The following SHANK2 variants were observed in gnomAD, a reference collection of about 807,000 sequenced individuals.
SHANK2 encodes SH3 and multiple ankyrin repeat domains protein 2.
A neutral mutation model predicts 133.7 loss-of-function variants in SHANK2; 43 were observed. That is an observed-to-expected ratio of 0.32 (90% CI 0.25 to 0.41). The LOEUF (loss-of-function observed/expected upper bound fraction) is 0.41. Among genes scored for constraint, SHANK2 ranks in the 10% least tolerant of loss-of-function variants. The pLI is 1.00. For synonymous variants in SHANK2, 1,017 were observed against 952.8 expected, an observed-to-expected ratio of 1.07 and a Z score of -1.24; for missense variants, 1,994 against 2,235.8, an observed-to-expected ratio of 0.89 and a Z score of 2.18.
Position 70,487,038 on chromosome 11 carries a change from G to T in SHANK2, c.3255C>A (p.Ala1085=). The change falls in exon 25 of 26, where the codon GCC becomes GCA. Residue 1085 remains alanine, a synonymous_variant. Coordinates refer to ENST00000601538, the MANE Select transcript of SHANK2 (RefSeq NM_012309.5). This position sits in a 1 kb window ranked among gnomAD's most constrained non-coding sequence, Gnocchi z 5.8. The part of the protein sequence containing the change: ...SSPFAAAIAG[A]VRDREKRLEA... The stretch of plus-strand genomic sequence containing the variant: ...CCAGCCGCTTCTCACGGTCGCGGAC[G>T]GCTCCGGCGATGGCGGCGGCAAAGG... The T allele has an allele frequency of 6.2e-7, 1 of 1,609,084 alleles. No homozygotes were observed. Among genetic ancestry groups the T allele is most frequent in the Non-Finnish European group, 8.5e-7 (1 of 1,179,628 alleles).
intron 14 of SHANK2, among the ~76,000 whole-genome samples, chr11:70,719,612 T>C (rs1268100521): frequency 1.3e-5 from 2 of 151,910 alleles, no homozygotes; most frequent in African/African-American, 4.8e-5. Flanking sequence ...TATGGGCAAA[T>C]CGGAGGGTCA....
chr11:70,787,288 G>GACCACCATGACC (rs1947685343), intron 14 of SHANK2, among the ~76,000 whole-genome samples: 1 of 72,936 alleles, frequency 1.4e-5, no homozygotes, highest in Admixed American at 1.5e-4. Flanking sequence ...TCATCACCAT[G>GACCACCATGACC]ACCACCACCA....
intron 17 of SHANK2, among the ~76,000 whole-genome samples, chr11:70,518,417 A>G (rs1565091598): frequency 6.6e-6 from 1 of 152,232 alleles, no homozygotes; most frequent in Non-Finnish European, 1.5e-5. Context: ...AAGCGACTGC[A>G]TTCCTGGTAT....
intron 17 of SHANK2, among the ~76,000 whole-genome samples, chr11:70,562,648 T>C (rs188363529): frequency 1.3e-4 from 20 of 152,348 alleles, no homozygotes; most frequent in Admixed American, 1.3e-3. Flanking sequence ...TTAACTCTTT[T>C]GTGTCTTTAT....
intron 25 of SHANK2, among the ~76,000 whole-genome samples, chr11:70,484,716 G>A (rs2058777421): frequency 6.6e-6 from 1 of 152,178 alleles, no homozygotes. Context: ...GGGCTGACAT[G>A]GACACAGCTA....
At chr11:70,738,496 C>T (rs569226002) in intron 14 of SHANK2, among the ~76,000 whole-genome samples, 3 of 152,354 alleles carry the variant, frequency 2.0e-5, no homozygotes, top group African/African-American at 4.8e-5. Flanking sequence ...CCCTCGTGTG[C>T]GGGGAGCAAG....
chr11:70,512,078 C>T (rs2059211741), intron 17 of SHANK2, among the ~76,000 whole-genome samples: 1 of 152,202 alleles, frequency 6.6e-6, no homozygotes, highest in African/African-American at 2.4e-5. Context: ...TCCGCTGACA[C>T]ACTGTGATGG....
chr11:70,947,178 C>T (rs969877114), intron 10 of SHANK2, among the ~76,000 whole-genome samples: 4 of 139,964 alleles, frequency 2.9e-5, no homozygotes, highest in African/African-American at 1.0e-4. Flanking sequence ...CACACACACA[C>T]ACACACACAC....
intron 14 of SHANK2, among the ~76,000 whole-genome samples, chr11:70,723,836 C>T (rs1946119340): frequency 6.6e-6 from 1 of 152,096 alleles, no homozygotes; most frequent in South Asian, 2.1e-4. Flanking sequence ...AAGAAAGAAA[C>T]AAGAGCAGGT....
intron 25 of SHANK2, among the ~76,000 whole-genome samples, chr11:70,478,038 A>G (rs1272779226): frequency 6.6e-6 from 1 of 152,240 alleles, no homozygotes; most frequent in Non-Finnish European, 1.5e-5. Flanking sequence ...ACATTCATGT[A>G]GAAATGTGAG....
chr11:70,673,290 T>C lies in SHANK2; in HGVS notation c.1854-11612A>G, dbSNP rs528921494. 2.7e-3 allele frequency among the ~76,000 whole-genome samples: 383 copies of C among 141,988 alleles called. 2 individuals carry two copies. The highest frequency in any genetic ancestry group is 0.011 in the African/African-American group (373 of 33,032). The allele number at this position is 141,988 out of a possible 152,430, so 93.1% of individuals were successfully genotyped here. ...GCCTTTGACTCTGAACTGAATGTTC[T>C]TTAAAAAAAAAAAAAAATCAGGGGA... is the stretch of plus-strand genomic sequence containing the variant. On this transcript the variant is annotated intron_variant, in intron 15 of 25. Coordinates refer to ENST00000601538, the MANE Select transcript of SHANK2 (RefSeq NM_012309.5).
Position 70,807,123 on chromosome 11 carries a change from C to T in SHANK2, c.1542G>A (p.Glu514=), listed in dbSNP as rs1555052109. 1 of 718,068 alleles carries T rather than the reference C, an allele frequency of 1.4e-6. No individual in the cohort carries two copies. The highest frequency in any genetic ancestry group is 2.6e-6 in the Non-Finnish European group (1 of 384,998). The allele number at this position is 718,068 out of a possible 1,614,324, so 44.5% of individuals were successfully genotyped here. ...GANKDSLSAF[E]YPGPKRKLYS... ...AGAGCTTCCGCTTGGGCCCCGGGTA[C>T]TCGAAGGCCGAGAGTGAGTCCTTGT... is the stretch of plus-strand genomic sequence containing the variant. The change falls in exon 13 of 26, where the codon GAG becomes GAA. Residue 514 remains glutamate, a synonymous_variant. Coordinates refer to ENST00000601538, the MANE Select transcript of SHANK2 (RefSeq NM_012309.5). The surrounding 1 kb of genome is among the most constrained non-coding windows in gnomAD (Gnocchi z 4.8).
intron 17 of SHANK2, among the ~76,000 whole-genome samples, chr11:70,522,020 T>C (rs951538387): frequency 2.0e-5 from 3 of 152,226 alleles, no homozygotes; most frequent in Admixed American, 2.0e-4. Context: ...ATCTGTGGGG[T>C]TGCTGGCTCT....
chr11:70,533,523 T>C (rs1033653288), intron 17 of SHANK2, among the ~76,000 whole-genome samples: 4 of 152,198 alleles, frequency 2.6e-5, no homozygotes, highest in African/African-American at 7.2e-5. Flanking sequence ...GGGGCCCATG[T>C]CATCTGGCCC....
intron 14 of SHANK2, among the ~76,000 whole-genome samples, chr11:70,730,663 A>G (rs1201884944): frequency 2.6e-5 from 4 of 152,058 alleles, no homozygotes; most frequent in Non-Finnish European, 4.4e-5. Context: ...CCAGGCCAGC[A>G]TCTCCTCCTC....
intron 2 of SHANK2, among the ~76,000 whole-genome samples, chr11:71,179,623 T>C (rs1211226229): frequency 6.6e-6 from 1 of 152,112 alleles, no homozygotes; most frequent in African/African-American, 2.4e-5. Context: ...GCATCCAGAG[T>C]GAGATGGAAG....
chr11:71,074,213 G>T (rs1387968492), intron 9 of SHANK2, among the ~76,000 whole-genome samples: 1 of 152,226 alleles, frequency 6.6e-6, no homozygotes, highest in Non-Finnish European at 1.5e-5. Context: ...GTCAGGGCTG[G>T]CTGGGGTGCG....
chr11:70,794,113 C>T (rs1368817746), intron 14 of SHANK2, among the ~76,000 whole-genome samples: 3 of 151,838 alleles, frequency 2.0e-5, no homozygotes, highest in African/African-American at 4.8e-5. Flanking sequence ...AAATCCCCTC[C>T]TTACTAAAAA....
rs118083065 is a variant in SHANK2, at chr11:70,919,879, C to T, written c.1108-23312G>A. ...TGGCTTGTGGTGCTTAACATTATGT[C>T]CTCCGGGCTCATTCCATGGATGTCT... On this transcript the variant is annotated intron_variant, in intron 10 of 25. Transcript: ENST00000601538. Among the ~76,000 whole-genome samples, 561 of 152,290 alleles carry T rather than the reference C, an allele frequency of 3.7e-3. 1 individual carries two copies. The highest frequency in any genetic ancestry group is 6.0e-3 in the Non-Finnish European group (405 of 68,028).
Sources: allele counts gnomAD v4.1 joint callset (sites outside exome capture counted in the v4.1 genomes callset), GRCh38; gene constraint gnomAD v4.1.1; non-coding constraint Gnocchi (gnomAD v3.1); transcripts MANE v1.5; gene names NCBI Gene and HGNC (gene_info 2026-07-23, HGNC 2026-07-21).